The following SLC8A1 variants were observed in gnomAD, a reference collection of about 807,000 sequenced individuals.
SLC8A1 encodes the protein solute carrier family 8 member A1.
SLC8A1 carries 18 observed loss-of-function variants against 68.3 expected under a neutral mutation model. That is an observed-to-expected ratio of 0.26 (90% CI 0.18 to 0.39). The LOEUF is 0.39. Ranked by LOEUF, SLC8A1 falls within the 10% of genes least tolerant of loss-of-function variation. The pLI is 1.00. For synonymous variants in SLC8A1, 475 were observed against 415.5 expected (o/e 1.14, Z -1.74); for missense variants, 985 against 1,156.7 (o/e 0.85, Z 2.15).
At chr2:40,165,581 T>G (rs2046410949) in intron 4 of SLC8A1, among the ~76,000 whole-genome samples, 1 of 152,224 alleles carries the variant, frequency 6.6e-6, no homozygotes, top group Non-Finnish European at 1.5e-5. Flanking sequence ...GCTCCAGTGC[T>G]GCTTCAGTCT....
chr2:40,330,461 A>C (rs886430805), intron 2 of SLC8A1, among the ~76,000 whole-genome samples: 4 of 152,248 alleles, frequency 2.6e-5, no homozygotes, highest in African/African-American at 7.2e-5. Flanking sequence ...GGCTGACTAC[A>C]TTTGGTATAT....
At chr2:40,274,960 C>T (rs1002070066) in intron 2 of SLC8A1, among the ~76,000 whole-genome samples, 2 of 152,172 alleles carry the variant, frequency 1.3e-5, no homozygotes, top group Admixed American at 6.5e-5. Flanking sequence ...CTGCCCATTT[C>T]CTACCAGCAG....
chr2:40,172,120 G>A (rs1381953432), intron 4 of SLC8A1, among the ~76,000 whole-genome samples: 1 of 152,158 alleles, frequency 6.6e-6, no homozygotes, highest in Admixed American at 6.5e-5. Flanking sequence ...TGACTTTAAA[G>A]CCTCCAACTG....
chr2:40,397,901 T>G (rs1231446549), intron 2 of SLC8A1, among the ~76,000 whole-genome samples: 1 of 152,114 alleles, frequency 6.6e-6, no homozygotes, highest in Non-Finnish European at 1.5e-5. Context: ...GACACTAAAT[T>G]TATCATGGTT....
intron 2 of SLC8A1, among the ~76,000 whole-genome samples, chr2:40,338,685 T>C (rs1048009948): frequency 6.6e-6 from 1 of 152,214 alleles, no homozygotes; most frequent in Non-Finnish European, 1.5e-5. Context: ...AGTTGTGTCA[T>C]AAAGAAGTCA....
In SLC8A1 at chr2:40,260,868, G is replaced by A. The variant is rs891753997; in HGVS notation, c.1809-83013C>T. Among the ~76,000 whole-genome samples the A allele has an allele frequency of 2.6e-5, 4 of 152,134 alleles. No individual in the cohort carries two copies. In the South Asian group the frequency reaches 8.3e-4, roughly 32 times the overall value. On this transcript the variant is annotated intron_variant, in intron 2 of 7. Transcript: ENST00000406785. ...CTTCCTCATAGTCCGACCTAAGAGT[G>A]TGTGGCAAACTTTGTAGAATTCTAA...
chr2:40,351,778 C>G (rs1017500334), intron 2 of SLC8A1, among the ~76,000 whole-genome samples: 3 of 152,024 alleles, frequency 2.0e-5, no homozygotes, highest in African/African-American at 7.2e-5. Flanking sequence ...AATAGCTTGC[C>G]TAAGTATTTG....
At chr2:40,251,852 T>G (rs2062805963) in intron 2 of SLC8A1, 1 of 152,218 alleles carries the variant, frequency 6.6e-6, no homozygotes, top group Non-Finnish European at 1.5e-5. Flanking sequence ...ATGCAATTAT[T>G]TCTCCTTCAA....
At chr2:40,248,125 T>C (rs1035009832) in intron 2 of SLC8A1, among the ~76,000 whole-genome samples, 1 of 152,184 alleles carries the variant, frequency 6.6e-6, no homozygotes, top group Non-Finnish European at 1.5e-5. Flanking sequence ...TAAGTACCAA[T>C]TTCTACACTT....
chr2:40,235,608 G>T (rs2060260551), intron 2 of SLC8A1, among the ~76,000 whole-genome samples: 1 of 151,790 alleles, frequency 6.6e-6, no homozygotes, highest in Non-Finnish European at 1.5e-5. Context: ...CTTCAGTTCT[G>T]CTCTGATTTT....
intron 2 of SLC8A1, among the ~76,000 whole-genome samples, chr2:40,301,728 C>G (rs2071498667): frequency 6.6e-6 from 1 of 152,042 alleles, no homozygotes; most frequent in Non-Finnish European, 1.5e-5. Flanking sequence ...AGTTCCTTAT[C>G]CATAAAATTC....
intron 2 of SLC8A1, among the ~76,000 whole-genome samples, chr2:40,286,505 C>T (rs771146580): frequency 9.9e-5 from 15 of 152,166 alleles, no homozygotes; most frequent in Non-Finnish European, 2.2e-4. Flanking sequence ...GACCAGTGAA[C>T]TCCGTGGATC....
intron 1 of SLC8A1, among the ~76,000 whole-genome samples, chr2:40,497,074 T>TA (rs75706927): frequency 4.8e-4 from 71 of 148,962 alleles, no homozygotes; most frequent in Middle Eastern, 3.6e-3. Context: ...TAAAGTACAA[T>TA]AAAAAAAAAA....
At chr2:40,319,071 T>C (rs749090670) in intron 2 of SLC8A1, among the ~76,000 whole-genome samples, 3 of 152,056 alleles carry the variant, frequency 2.0e-5, no homozygotes, top group Non-Finnish European at 2.9e-5. Context: ...GAGAAGGTAA[T>C]TTAGGTAGAC....
At chr2:40,383,434 T>C (rs1205341441) in intron 2 of SLC8A1, among the ~76,000 whole-genome samples, 1 of 152,086 alleles carries the variant, frequency 6.6e-6, no homozygotes, top group Non-Finnish European at 1.5e-5. Flanking sequence ...GTGACTGTCA[T>C]TCGCTTCATA....
At chr2:40,424,365 AG>A (rs1368218345) in intron 2 of SLC8A1, among the ~76,000 whole-genome samples, 2 of 151,842 alleles carry the variant, frequency 1.3e-5, no homozygotes, top group Non-Finnish European at 3.0e-5. Flanking sequence ...AGAATTCTCT[AG>A]AACAAGAAAA....
At chr2:40,437,275 C>T (rs1699614301) in intron 1 of SLC8A1, among the ~76,000 whole-genome samples, 1 of 152,144 alleles carries the variant, frequency 6.6e-6, no homozygotes, top group African/African-American at 2.4e-5. Flanking sequence ...ACTTAACCTG[C>T]CATGCTGCCC....
intron 2 of SLC8A1, among the ~76,000 whole-genome samples, chr2:40,323,823 C>CA (rs1167510053): frequency 6.6e-6 from 1 of 152,038 alleles, no homozygotes; most frequent in Non-Finnish European, 1.5e-5. Context: ...CCAGAAAACT[C>CA]AGTCTCTTAT....
chr2:40,406,407 C>T (rs1168926234), intron 2 of SLC8A1, among the ~76,000 whole-genome samples: 1 of 152,016 alleles, frequency 6.6e-6, no homozygotes, highest in Non-Finnish European at 1.5e-5. Context: ...ATATAATAAA[C>T]ATGATTACTT....
Sources: allele counts gnomAD v4.1 joint callset (sites outside exome capture counted in the v4.1 genomes callset), GRCh38; gene constraint gnomAD v4.1.1; transcripts MANE v1.5; gene names NCBI Gene and HGNC (gene_info 2026-07-23, HGNC 2026-07-21).